Variants in RSPH14 observed in about 807,000 individuals in gnomAD.
RSPH14 encodes the protein radial spoke head 14 homolog.
A neutral mutation model predicts 26.7 loss-of-function variants in RSPH14; 20 were observed. The ratio of observed to expected loss-of-function variants is 0.75; its 90% CI spans 0.53 to 1.09. RSPH14 has a LOEUF of 1.09. Ranked by LOEUF, RSPH14 falls within the 50% of genes least tolerant of loss-of-function variation. RSPH14 has a pLI of 0.00. For missense variants in RSPH14, 449 were observed against 457.2 expected (o/e 0.98, Z 0.16); for synonymous variants, 177 against 189.3 (o/e 0.93, Z 0.53).
At chr22:23,082,120 G>A (rs1250736527) in intron 4 of RSPH14, among the ~76,000 whole-genome samples, 3 of 126,212 alleles carry the variant, frequency 2.4e-5, no homozygotes, top group South Asian at 4.9e-4. Context: ...GCAAGACTCC[G>A]CCTCAAAAAA....
At chr22:23,145,726 G>A (rs2070729735), upstream of RSPH14, among the ~76,000 whole-genome samples, 1 of 152,260 alleles carries the variant, frequency 6.6e-6, no homozygotes, top group Non-Finnish European at 1.5e-5. Flanking sequence ...CTCTGGGCCA[G>A]GCCCGCGCTG....
chr22:23,154,913 G>A, the RSPH14 span, among the ~76,000 whole-genome samples: 88 of 152,302 alleles, frequency 5.8e-4, no homozygotes, highest in East Asian at 2.7e-3. Context: ...ATCACCTGAG[G>A]TCAGGAGTTC....
upstream of RSPH14, among the ~76,000 whole-genome samples, chr22:23,148,390 TGAA>T (rs1394136130): frequency 3.3e-5 from 5 of 152,170 alleles, no homozygotes; most frequent in African/African-American, 1.2e-4. Flanking sequence ...TATCATGAGA[TGAA>T]GAACCTCATT....
rs945385590 is a variant in RSPH14, at chr22:23,113,693, C to T, written c.421+20333G>A. 2.6e-5 allele frequency among the ~76,000 whole-genome samples: 4 copies of T among 152,352 alleles called. No individual in the cohort carries two copies. The East Asian group carries it at 5.8e-4, about 22-fold the overall frequency. Reference sequence around the variant, plus strand: ...CCACTCGGTACACCTGCCAGGACCTCGGCGCATCATCAGATGGTGGGGCCC... The same window carrying T: ...CCACTCGGTACACCTGCCAGGACCTTGGCGCATCATCAGATGGTGGGGCCC... On this transcript the variant is annotated intron_variant, in intron 4 of 6. Transcript: ENST00000216036.
At position 23,061,905 on chromosome 22, in the gene RSPH14, C is replaced by T. The variant is rs768003828; in HGVS notation, c.694G>A (p.Val232Ile). ...AGCAGATGGACCAGGATGGGGATGA[C>T]GTCAAAATGACACACCTGTTTCTTG... ...EGKKQVCHFD[V>I]IPILVHLLKD... The change falls in exon 6 of 7, where the codon GTC (valine) becomes ATC (isoleucine). Residue 232 changes from valine (V) to isoleucine (I), a missense_variant. Physicochemically the swap from Val to Ile is conservative, Grantham distance 29. Transcript: ENST00000216036. The T allele has an allele frequency of 1.3e-5, 21 of 1,613,954 alleles. No homozygotes were observed. The Middle Eastern group carries it at 4.9e-4, about 38-fold the overall frequency.
chr22:23,132,787 A>C (rs1353559801), intron 4 of RSPH14: 1 of 152,074 alleles, frequency 6.6e-6, no homozygotes, highest in Non-Finnish European at 1.5e-5. Context: ...TCATAGGTAC[A>C]GTCCCATTAC....
chr22:23,145,480 G>A (rs1228017491), upstream of RSPH14: 3 of 1,609,068 alleles, frequency 1.9e-6, no homozygotes, highest in South Asian at 1.1e-5. Context: ...GGCTCTCGTT[G>A]CCATGGTGAT....
At chr22:23,081,884 G>T (rs1232495281) in intron 4 of RSPH14, among the ~76,000 whole-genome samples, 1 of 150,522 alleles carries the variant, frequency 6.6e-6, no homozygotes, top group African/African-American at 2.4e-5. Flanking sequence ...CCAGCACTTT[G>T]GGGGGCCGAG....
At chr22:23,093,216 G>A (rs1361831896) in intron 4 of RSPH14, among the ~76,000 whole-genome samples, 1 of 152,252 alleles carries the variant, frequency 6.6e-6, no homozygotes, top group Non-Finnish European at 1.5e-5. Context: ...GCCTCACTGG[G>A]ATTGGGCTGA....
At position 23,071,276 on chromosome 22, in the gene RSPH14, G is replaced by C. The variant is rs1341874864; in HGVS notation, c.422-7143C>G. ...GCTCCGTATCCTGCGGGCGATCCGA[G>C]GGGGCTCTGCCTTTAGGGCGGTGCT... On this transcript the variant is annotated intron_variant, in intron 4 of 6. Coordinates refer to ENST00000216036, the MANE Select transcript of RSPH14 (RefSeq NM_014433.3). This position sits in a 1 kb window ranked among gnomAD's most constrained non-coding sequence, Gnocchi z 4.1. Among the ~76,000 whole-genome samples the C allele has an allele frequency of 1.3e-5, 2 of 152,236 alleles. No individual in the cohort carries two copies. Among genetic ancestry groups the C allele is most frequent in the Non-Finnish European group, 2.9e-5 (2 of 68,038 alleles).
In RSPH14 at chr22:23,140,371, G is replaced by T. The variant is rs893455883; in HGVS notation, c.50C>A (p.Thr17Asn). ...SLELPININATQITTAYGHRA... is the reference protein window; with the variant it reads ...SLELPININANQITTAYGHRA... ...ATGGCCATAGGCAGTGGTAATCTGGGTGGCATTGATGTTAATGGGAAGCTC... is the reference window on the plus strand; with the variant it reads ...ATGGCCATAGGCAGTGGTAATCTGGTTGGCATTGATGTTAATGGGAAGCTC... Residue 17 changes from threonine (T) to asparagine (N), a missense_variant, in exon 2 of 7, where the codon ACC becomes AAC. By Grantham distance (65) the Thr-to-Asn change is moderately conservative. Coordinates refer to ENST00000216036, the MANE Select transcript of RSPH14 (RefSeq NM_014433.3). The T allele has an allele frequency of 6.2e-7, 1 of 1,614,230 alleles. No individual in the cohort carries two copies. The highest frequency in any genetic ancestry group is 2.2e-5 in the East Asian group (1 of 44,890).
intron 1 of RSPH14, among the ~76,000 whole-genome samples, chr22:23,141,327 C>CAA (rs35460609): frequency 4.4e-4 from 36 of 82,210 alleles, no homozygotes; most frequent in African/African-American, 6.1e-4. Flanking sequence ...GACTCCGTCT[C>CAA]AAAAAAAAAA....
chr22:23,080,411 T>C (rs1317315487), intron 4 of RSPH14, among the ~76,000 whole-genome samples: 3 of 152,162 alleles, frequency 2.0e-5, no homozygotes, highest in African/African-American at 7.2e-5. Context: ...AGAAGGACAC[T>C]GGGAGGCCCA....
intron 4 of RSPH14, among the ~76,000 whole-genome samples, chr22:23,066,980 G>A (rs2068226428): frequency 6.6e-6 from 1 of 152,186 alleles, no homozygotes; most frequent in Non-Finnish European, 1.5e-5. Flanking sequence ...CAGGGTCCTA[G>A]GGGCTCTGGA....
At chr22:23,166,715 G>A in the RSPH14 span, among the ~76,000 whole-genome samples, 6 of 151,954 alleles carry the variant, frequency 3.9e-5, no homozygotes, top group African/African-American at 1.2e-4. Context: ...AGCCTCACAC[G>A]ATGTTGTTAA....
intron 4 of RSPH14, among the ~76,000 whole-genome samples, chr22:23,127,989 C>A (rs140961756): frequency 6.6e-6 from 1 of 152,120 alleles, no homozygotes; most frequent in Non-Finnish European, 1.5e-5. Context: ...GGGCTGCACA[C>A]GTGTGGAGTC....
At chr22:23,142,635 G>A (rs2070623325), upstream of RSPH14, among the ~76,000 whole-genome samples, 1 of 152,240 alleles carries the variant, frequency 6.6e-6, no homozygotes, top group Non-Finnish European at 1.5e-5. Context: ...ACTGCGCTCA[G>A]CCAGTTTCCC....
chr22:23,120,841 G>A (rs1328581971), intron 4 of RSPH14, among the ~76,000 whole-genome samples: 3 of 152,172 alleles, frequency 2.0e-5, no homozygotes, highest in African/African-American at 7.2e-5. Context: ...TGTGGACTCA[G>A]GGCGCGCTCA....
In RSPH14 at chr22:23,071,687, A is replaced by G. The variant is rs1013793309; in HGVS notation, c.422-7554T>C. ...AGGGGAAAACGTCTCTACTCGACCA[A>G]CCCCGCTTGAGTGCAGGTGCAGGGG... On this transcript the variant is annotated intron_variant, in intron 4 of 6. Coordinates refer to ENST00000216036, the MANE Select transcript of RSPH14 (RefSeq NM_014433.3). This position sits in a 1 kb window ranked among gnomAD's most constrained non-coding sequence, Gnocchi z 4.1. Among the ~76,000 whole-genome samples, 3 of 152,004 alleles carry G rather than the reference A, an allele frequency of 2.0e-5. No individual in the cohort carries two copies. The highest frequency in any genetic ancestry group is 1.3e-4 in the Admixed American group (2 of 15,272).
Sources: allele counts gnomAD v4.1 joint callset (sites outside exome capture counted in the v4.1 genomes callset), GRCh38; gene constraint gnomAD v4.1.1; non-coding constraint Gnocchi (gnomAD v3.1); transcripts MANE v1.5; gene names NCBI Gene and HGNC (gene_info 2026-07-23, HGNC 2026-07-21).